PVT1: variants seen among roughly 807,000 people sequenced by gnomAD.
PVT1 encodes Pvt1 oncogene.
chr8:128,075,245 T>C (rs535366122), intron 5 of PVT1, among the ~76,000 whole-genome samples: 1 of 152,210 alleles, frequency 6.6e-6, no homozygotes, highest in Non-Finnish European at 1.5e-5. Context: ...TACTCTGCTC[T>C]GATTTCTTCA....
At chr8:127,981,531 C>A (rs146654712) in intron 3 of PVT1, among the ~76,000 whole-genome samples, 6 of 152,100 alleles carry the variant, frequency 3.9e-5, no homozygotes, top group African/African-American at 1.4e-4. Context: ...AGCATGCTGG[C>A]GGGAAGGGAG....
At chr8:128,033,551 G>A (rs1463967772) in intron 4 of PVT1, among the ~76,000 whole-genome samples, 2 of 152,166 alleles carry the variant, frequency 1.3e-5, no homozygotes, top group East Asian at 1.9e-4. Context: ...ACATAGCAGA[G>A]GATTTTTCGT....
chr8:127,906,461 A>G (rs1815821004), intron 3 of PVT1, among the ~76,000 whole-genome samples: 1 of 152,184 alleles, frequency 6.6e-6, no homozygotes, highest in Non-Finnish European at 1.5e-5. Flanking sequence ...AAATGTTTAG[A>G]TAGCACCGAA....
intron 2 of PVT1, among the ~76,000 whole-genome samples, chr8:127,813,362 T>C (rs933551232): frequency 6.6e-6 from 1 of 151,768 alleles, no homozygotes; most frequent in African/African-American, 2.4e-5. Context: ...AGGAAACTTG[T>C]AGGTCTCTTA....
intron 2 of PVT1, among the ~76,000 whole-genome samples, chr8:127,854,971 A>T (rs1815145926): frequency 6.6e-6 from 1 of 152,140 alleles, no homozygotes; most frequent in Non-Finnish European, 1.5e-5. Flanking sequence ...GGTTGAAGAA[A>T]CTGAAGGTGT....
At chr8:127,919,508 C>T (rs530953621) in intron 3 of PVT1, among the ~76,000 whole-genome samples, 2 of 152,330 alleles carry the variant, frequency 1.3e-5, no homozygotes, top group East Asian at 1.9e-4. Flanking sequence ...TATTTTTTCT[C>T]ACTCTTCATC....
At chr8:127,825,118 A>T (rs1253707725) in intron 2 of PVT1, among the ~76,000 whole-genome samples, 3 of 22,706 alleles carry the variant, frequency 1.3e-4, no homozygotes, top group African/African-American at 5.1e-4. Flanking sequence ...AACACTAGCT[A>T]AAAAAAAAAA....
At chr8:128,087,340 A>T (rs1384410069) in intron 5 of PVT1, among the ~76,000 whole-genome samples, 1 of 152,202 alleles carries the variant, frequency 6.6e-6, no homozygotes, top group Non-Finnish European at 1.5e-5. Flanking sequence ...CTTTTAATTC[A>T]GATCTTAATT....
At chr8:127,946,304 G>C (rs1816419948) in intron 3 of PVT1, among the ~76,000 whole-genome samples, 1 of 152,230 alleles carries the variant, frequency 6.6e-6, no homozygotes, top group Non-Finnish European at 1.5e-5. Context: ...AAACAGACAT[G>C]GTTCTGCCCT....
chr8:127,920,980 T>C (rs1324130515), intron 3 of PVT1, among the ~76,000 whole-genome samples: 2 of 152,234 alleles, frequency 1.3e-5, no homozygotes, highest in Non-Finnish European at 2.9e-5. Context: ...CTTTGATTGG[T>C]TAATAAATAT....
intron 3 of PVT1, among the ~76,000 whole-genome samples, chr8:127,954,291 C>T (rs1020470697): frequency 4.3e-5 from 6 of 138,440 alleles, no homozygotes; most frequent in African/African-American, 1.6e-4. Flanking sequence ...TCAACAAGTA[C>T]CCACTTTTTT....
At chr8:127,957,887 T>C (rs1225421993) in intron 3 of PVT1, among the ~76,000 whole-genome samples, 1 of 152,276 alleles carries the variant, frequency 6.6e-6, no homozygotes, top group Non-Finnish European at 1.5e-5. Flanking sequence ...TGCCTCGTTC[T>C]GCAGGGCAAG....
rs530961093 is a variant in PVT1, at chr8:127,814,996, T to C, written n.372+18925T>C. 7.8e-3 allele frequency among the ~76,000 whole-genome samples: 1,181 copies of C among 152,304 alleles called. 6 individuals carry two copies. The highest frequency in any genetic ancestry group is 0.017 in the South Asian group (82 of 4,824). ...TTTTATTTTTTTTTGAGACAGAATC[T>C]TGTTCTGTTGCCCAGGCTGGAGTGC... On this transcript the variant is annotated intron_variant and non_coding_transcript_variant, in intron 2 of 10. Transcript: ENST00000651587.
chr8:128,023,313 T>C (rs1418271273), intron 4 of PVT1, among the ~76,000 whole-genome samples: 2 of 152,180 alleles, frequency 1.3e-5, no homozygotes, highest in Non-Finnish European at 2.9e-5. Flanking sequence ...ATGGTCCCAG[T>C]TGACACCAAC....
intron 5 of PVT1, among the ~76,000 whole-genome samples, chr8:128,081,952 G>C (rs1054675949): frequency 2.0e-5 from 3 of 152,082 alleles, no homozygotes; most frequent in Non-Finnish European, 4.4e-5. Context: ...TCTGTAATTA[G>C]TATTGTATTG....
chr8:127,987,847 G>A (rs1434767529), intron 3 of PVT1, among the ~76,000 whole-genome samples: 4 of 152,234 alleles, frequency 2.6e-5, no homozygotes, highest in African/African-American at 4.8e-5. Flanking sequence ...TGAGGCGTGT[G>A]GGAGGCTGCT....
chr8:128,020,868 C>T (rs140116137), intron 4 of PVT1, among the ~76,000 whole-genome samples: 1 of 152,344 alleles, frequency 6.6e-6, no homozygotes, highest in East Asian at 1.9e-4. Flanking sequence ...AGGGGACCTT[C>T]AAGTCCCAGT....
chr8:128,071,550 T>A (rs553493657), intron 5 of PVT1, among the ~76,000 whole-genome samples: 71 of 150,462 alleles, frequency 4.7e-4, no homozygotes, highest in Non-Finnish European at 9.0e-4. Context: ...GCAGTTTTGG[T>A]GGCACATGCC....
At chr8:127,913,193 C>G (rs1048130469) in intron 3 of PVT1, among the ~76,000 whole-genome samples, 27 of 152,224 alleles carry the variant, frequency 1.8e-4, no homozygotes, top group African/African-American at 6.3e-4. Flanking sequence ...GCTCCTTGTC[C>G]AAGAGCCTTT....
Sources: gnomAD v4.1 joint callset for allele counts (sites outside exome capture counted in the v4.1 genomes callset) on GRCh38, gnomAD v4.1.1 for gene constraint, MANE v1.5 for transcripts, NCBI Gene and HGNC (gene_info 2026-07-23, HGNC 2026-07-21) for gene names.